GPRC5D: variants seen among roughly 807,000 people sequenced by gnomAD.
The protein encoded by GPRC5D is G protein-coupled receptor class C group 5 member D, also known as G protein-coupled receptor family C group 5 member D.
In GPRC5D, 20 loss-of-function variants were observed where a neutral mutation model predicts 29.3. The ratio of observed to expected loss-of-function variants is 0.68; its 90% CI spans 0.48 to 0.99. GPRC5D has a LOEUF of 0.99. Among genes scored for constraint, GPRC5D ranks in the 50% least tolerant of loss-of-function variants. The pLI is 0.00. For synonymous variants in GPRC5D, 178 were observed against 171.3 expected, an observed-to-expected ratio of 1.04 and a Z score of -0.30; for missense variants, 384 against 423.6, an observed-to-expected ratio of 0.91 and a Z score of 0.82.
At chr12:12,947,893 T>A (rs1450003082) in intron 1 of GPRC5D, among the ~76,000 whole-genome samples, 2 of 152,230 alleles carry the variant, frequency 1.3e-5, no homozygotes, top group Non-Finnish European at 2.9e-5. Context: ...TTGATTTTTT[T>A]TCCACAAAAT....
intron 1 of GPRC5D, among the ~76,000 whole-genome samples, chr12:12,945,015 C>CT (rs1485861237): frequency 1.4e-5 from 2 of 145,700 alleles, no homozygotes; most frequent in Non-Finnish European, 3.0e-5. Flanking sequence ...CTCTTTCTCT[C>CT]TTTCTTTCTT....
chr12:12,944,838 CTTCCTTCCTTCCTTCTTTCT>C (rs1863251208), intron 1 of GPRC5D, among the ~76,000 whole-genome samples: 1 of 20,726 alleles, frequency 4.8e-5, no homozygotes, highest in African/African-American at 9.6e-5. Flanking sequence ...TCCTTCCTTC[CTTCCTTCCTTCCTTCTTTCT>C]TTCTTTCTTT....
At chr12:12,950,217 C>A in exon 1 of GPRC5D, 1 of 1,614,048 alleles carries the variant, frequency 6.2e-7, no homozygotes, top group East Asian at 2.2e-5. Context: ...GGACATTCCA[C>A]TGGCTGCAGT....
chr12:12,946,265 T>C (rs1377255254), intron 1 of GPRC5D, among the ~76,000 whole-genome samples: 2 of 99,658 alleles, frequency 2.0e-5, no homozygotes, highest in African/African-American at 3.8e-5. Flanking sequence ...CTTTCTTTCC[T>C]TTCTTCCTTC....
chr12:12,945,009 TTC>T (rs538894357), intron 1 of GPRC5D, among the ~76,000 whole-genome samples: 1 of 150,196 alleles, frequency 6.7e-6, no homozygotes, highest in Non-Finnish European at 1.5e-5. Flanking sequence ...CTCTTTCTCT[TTC>T]TCTCTTTCTT....
At chr12:12,947,537 C>T (rs745482701) in intron 1 of GPRC5D, among the ~76,000 whole-genome samples, 6 of 151,678 alleles carry the variant, frequency 4.0e-5, no homozygotes, top group Non-Finnish European at 7.4e-5. Context: ...TCCTTCCTTC[C>T]TTCCTCCCTC....
chr12:12,942,754 A>G (rs748220152), intron 1 of GPRC5D, among the ~76,000 whole-genome samples: 26 of 152,152 alleles, frequency 1.7e-4, no homozygotes, highest in Non-Finnish European at 3.4e-4. Context: ...AAGAGGAATT[A>G]TCAATCAGTT....
intron 1 of GPRC5D, among the ~76,000 whole-genome samples, chr12:12,946,037 C>T (rs553713037): frequency 6.6e-5 from 10 of 152,202 alleles, no homozygotes; most frequent in African/African-American, 1.7e-4. Context: ...TAATCCACTT[C>T]GGAGGAATAA....
intron 1 of GPRC5D, 118 bp downstream of exon 2, chr12:12,949,372 C>G: frequency 1.2e-6 from 1 of 832,282 alleles, no homozygotes; most frequent in East Asian, 2.5e-5. Context: ...ATGAAGCCAC[C>G]CACCCCAAAT....
At chr12:12,944,842 C>T (rs371484918) in intron 1 of GPRC5D, among the ~76,000 whole-genome samples, 11,660 of 24,072 alleles carry the variant, frequency 0.48, 3,548 homozygotes, top group Middle Eastern at 0.73. Flanking sequence ...TCCTTCCTTC[C>T]TTCCTTCCTT....
chr12:12,947,275 A>G (rs1863372410), intron 1 of GPRC5D: 1 of 152,224 alleles, frequency 6.6e-6, no homozygotes, highest in Non-Finnish European at 1.5e-5. Flanking sequence ...ATGACCTACC[A>G]TAACACTTAG....
At chr12:12,946,440 C>CTCTCTCTCTT (rs1565478691) in intron 1 of GPRC5D, among the ~76,000 whole-genome samples, 1 of 10,348 alleles carries the variant, frequency 9.7e-5, no homozygotes, top group African/African-American at 1.1e-4. Flanking sequence ...CTCTCTTTCT[C>CTCTCTCTCTT]TCTCTCTCTC....
intron 1 of GPRC5D, 45 bp from the exon 3 acceptor site, chr12:12,942,373 A>C (rs1323803111): frequency 4.2e-6 from 5 of 1,202,570 alleles, no homozygotes; most frequent in Non-Finnish European, 6.2e-6. Context: ...TCCGAGAGTC[A>C]ATCGGAAACA....
chr12:12,947,731 A>AT (rs1394850948), intron 1 of GPRC5D, among the ~76,000 whole-genome samples: 5 of 152,094 alleles, frequency 3.3e-5, no homozygotes, highest in East Asian at 1.9e-4. Context: ...TGCCCAGCTA[A>AT]TTTTTTGTAG....
At chr12:12,942,236 G>A in intron 2 of GPRC5D, 25 bp downstream of exon 3, 1 of 1,481,764 alleles carries the variant, frequency 6.7e-7, no homozygotes, top group East Asian at 2.3e-5. Flanking sequence ...GTCCCTCCTG[G>A]GTGAATATAG....
Position 12,942,325 on chromosome 12 carries a change from C to G in GPRC5D, c.899G>C (p.Arg300Pro). ...ATCCTCCTCAGCTCCATCACTGTCTCGGGCTGAAAGCCAAAGGAGGGAAGG... is the reference window on the plus strand; with the variant it reads ...ATCCTCCTCAGCTCCATCACTGTCTGGGGCTGAAAGCCAAAGGAGGGAAGG... The change falls in exon 2 of 3, where the codon CGA becomes CCA. Residue 300 changes from arginine to proline, a missense_variant. Transcript: ENST00000228887. 2 of 1,611,144 alleles carry G rather than the reference C, an allele frequency of 1.2e-6. No individual in the cohort carries two copies. The highest frequency in any genetic ancestry group is 2.2e-5 in the East Asian group (1 of 44,878).
At position 12,940,780 on chromosome 12, in the gene GPRC5D, C is replaced by T. The variant is rs190371136; in HGVS notation, c.1033G>A (p.Val345Ile). ...CACTTGTGTTTCCTGTAGATTTATA[C>T]TCCTCCTGCATCTTGCTGGGGGCTT... The change falls in exon 3 of 3, where the codon GTA becomes ATA. Residue 345 changes from valine (V) to isoleucine (I), a missense_variant. Transcript: ENST00000228887. 110 of 1,590,310 alleles carry T rather than the reference C, an allele frequency of 6.9e-5. No individual in the cohort carries two copies. In the East Asian group the frequency reaches 2.2e-3, roughly 32 times the overall value.
chr12:12,940,924 T>G, intron 2 of GPRC5D, 75 bp from the exon 4 acceptor site: 1 of 1,037,966 alleles, frequency 9.6e-7, no homozygotes, highest in Non-Finnish European at 1.5e-6. Context: ...TATGTTTTTG[T>G]TTTTTGAGAC....
intron 1 of GPRC5D, among the ~76,000 whole-genome samples, chr12:12,942,667 G>A (rs539144398): frequency 2.1e-4 from 32 of 152,268 alleles, no homozygotes; most frequent in South Asian, 2.1e-3. Context: ...CCTGGGAGGC[G>A]GAGGTTGCAG....
Sources: gnomAD v4.1 joint callset for allele counts (sites outside exome capture counted in the v4.1 genomes callset) on GRCh38, gnomAD v4.1.1 for gene constraint, MANE v1.5 for transcripts, NCBI Gene and HGNC (gene_info 2026-07-23, HGNC 2026-07-21) for gene names.